TENT5C: variants seen among roughly 807,000 people sequenced by gnomAD.
The protein encoded by TENT5C is terminal nucleotidyltransferase 5C.
TENT5C carries 5 observed loss-of-function variants against 22.2 expected under a neutral mutation model. That is an observed-to-expected ratio of 0.22 (90% confidence interval 0.12 to 0.47). The LOEUF (loss-of-function observed/expected upper bound fraction) is 0.47. TENT5C is among the 20% of genes least tolerant of loss of function. The probability of loss-of-function intolerance (pLI) is 0.99; values close to 1 mark genes in which losing one functional copy is unlikely to be tolerated. For missense variants in TENT5C, 364 were observed against 500.9 expected (o/e 0.73, Z 2.61); for synonymous variants, 199 against 195.4 (o/e 1.02, Z -0.15).
In TENT5C at chr1:117,627,862, G is replaced by A; in HGVS notation, c.*3818G>A. The A allele has an allele frequency of 4.0e-6, 1 of 247,854 alleles. No homozygotes were observed. Among genetic ancestry groups the A allele is most frequent in the Non-Finnish European group, 8.5e-6 (1 of 118,060 alleles). The allele number at this position is 247,854 out of a possible 1,614,324, so 15.4% of individuals were successfully genotyped here. ...TAAAAGACTGTGTGTGTGTGTGTGT[G>A]TGCGTGTGTGTGTTCAAGTGCCTAA... On this transcript the variant is annotated 3_prime_UTR_variant, in exon 2 of 2. Transcript: ENST00000369448.
intron 1 of TENT5C, among the ~76,000 whole-genome samples, chr1:117,619,508 G>C (rs1653851690): frequency 1.3e-5 from 2 of 151,790 alleles, no homozygotes; most frequent in Admixed American, 6.6e-5. Flanking sequence ...TCCTACTTTT[G>C]CCTTCTGACT....
At chr1:117,606,959 A>G (rs78361141) in intron 1 of TENT5C, among the ~76,000 whole-genome samples, 3,691 of 152,200 alleles carry the variant, frequency 0.024, 137 homozygotes, top group African/African-American at 0.084. Context: ...GTAGGTGAAA[A>G]GCCACGGCAA....
intron 1 of TENT5C, among the ~76,000 whole-genome samples, chr1:117,618,611 A>G (rs887483621): frequency 1.3e-5 from 2 of 152,154 alleles, no homozygotes; most frequent in Admixed American, 1.3e-4. Context: ...GGTGGGAAGG[A>G]AAAAGGGGAT....
At chr1:117,616,278 A>G (rs963579392) in intron 1 of TENT5C, among the ~76,000 whole-genome samples, 6 of 152,134 alleles carry the variant, frequency 3.9e-5, no homozygotes, top group Admixed American at 6.5e-5. Context: ...ATTTGCTTTG[A>G]CACACACCTC....
chr1:117,620,633 G>A (rs1349047792), intron 1 of TENT5C, among the ~76,000 whole-genome samples: 1 of 152,164 alleles, frequency 6.6e-6, no homozygotes, highest in Admixed American at 6.5e-5. Flanking sequence ...GAACTGGGCC[G>A]CACAGCAGGA....
At chr1:117,613,420 G>A (rs962900634) in intron 1 of TENT5C, among the ~76,000 whole-genome samples, 1 of 152,196 alleles carries the variant, frequency 6.6e-6, no homozygotes, top group African/African-American at 2.4e-5. Context: ...CACAGCATTA[G>A]TTCTTCCAGC....
intron 1 of TENT5C, among the ~76,000 whole-genome samples, chr1:117,609,262 A>G (rs1653612466): frequency 6.6e-6 from 1 of 152,252 alleles, no homozygotes; most frequent in Non-Finnish European, 1.5e-5. Context: ...AATAGTTTAG[A>G]GGAAGCATCT....
intron 1 of TENT5C, among the ~76,000 whole-genome samples, chr1:117,610,193 G>C (rs1235398457): frequency 6.6e-6 from 1 of 152,084 alleles, no homozygotes; most frequent in Non-Finnish European, 1.5e-5. Flanking sequence ...CAGTAAGTGA[G>C]TCCGCCTCCC....
chr1:117,624,844 T>C lies in TENT5C; in HGVS notation c.*800T>C, dbSNP rs1218616760. On this transcript the variant is annotated 3_prime_UTR_variant, in exon 2 of 2. Transcript: ENST00000369448. ...AGGGGATAATTGTAAATAGGAAACA[T>C]GAATGTTCATTTTTTTCTTTAAAGA... The C allele has an allele frequency of 4.0e-6, 1 of 247,674 alleles. No homozygotes were observed. Among genetic ancestry groups the C allele is most frequent in the Middle Eastern group, 1.2e-3 (1 of 808 alleles). The allele number at this position is 247,674 out of a possible 1,614,324, so 15.3% of individuals were successfully genotyped here.
chr1:117,626,975 C>T lies in TENT5C; in HGVS notation c.*2931C>T. On this transcript the variant is annotated 3_prime_UTR_variant, in exon 2 of 2. Coordinates refer to ENST00000369448, the MANE Select transcript of TENT5C (RefSeq NM_017709.4). Reference sequence around the variant, plus strand: ...ATGCCTGACCTTGAGCTCTAGTCTCCCCTTTAAATCTTACCTTGGCAGTAA... The same window carrying T: ...ATGCCTGACCTTGAGCTCTAGTCTCTCCTTTAAATCTTACCTTGGCAGTAA... 1 of 248,052 alleles carries T rather than the reference C, an allele frequency of 4.0e-6. No homozygotes were observed. The allele number at this position is 248,052 out of a possible 1,614,324, so 15.4% of individuals were successfully genotyped here.
At chr1:117,611,397 G>A (rs1653668989) in intron 1 of TENT5C, among the ~76,000 whole-genome samples, 1 of 152,190 alleles carries the variant, frequency 6.6e-6, no homozygotes, top group South Asian at 2.1e-4. Flanking sequence ...TTAGCTGTGG[G>A]GAGACCTGGG....
rs574232859 is a variant in TENT5C at position 117,613,680 on chromosome 1, G to A, written c.-28+7527G>A. 5.9e-5 allele frequency among the ~76,000 whole-genome samples: 9 copies of A among 152,284 alleles called. No individual in the cohort carries two copies. The East Asian group carries it at 1.4e-3, about 23-fold the overall frequency. ...GGGCTGCTTTCCACAGCTCATGTGGGAATCTAACCACATTTTTTGACTCTA... is the reference window on the plus strand; with the variant it reads ...GGGCTGCTTTCCACAGCTCATGTGGAAATCTAACCACATTTTTTGACTCTA... On this transcript the variant is annotated intron_variant, in intron 1 of 1. Transcript: ENST00000369448.
chr1:117,609,387 GA>G (rs72527981), intron 1 of TENT5C, among the ~76,000 whole-genome samples: 3,211 of 152,038 alleles, frequency 0.021, 122 homozygotes, highest in African/African-American at 0.073. Context: ...TGGAACAACA[GA>G]AAAAAAATAT....
intron 1 of TENT5C, among the ~76,000 whole-genome samples, chr1:117,616,723 A>G (rs2101076321): frequency 6.6e-6 from 1 of 152,360 alleles, no homozygotes; most frequent in South Asian, 2.1e-4. Flanking sequence ...CCCCAAAGGA[A>G]GGCTGAAATG....
At chr1:117,621,668 G>T (rs1416932162) in intron 1 of TENT5C, among the ~76,000 whole-genome samples, 2 of 152,112 alleles carry the variant, frequency 1.3e-5, no homozygotes, top group African/African-American at 4.8e-5. Context: ...TTTTATGTGG[G>T]TCTAGCAAGT....
Position 117,622,511 on chromosome 1 carries a change from C to T in TENT5C, c.-27-331C>T, listed in dbSNP as rs186580687. Among the ~76,000 whole-genome samples the T allele has an allele frequency of 2.3e-4, 35 of 152,272 alleles. No individual in the cohort carries two copies. The East Asian group carries it at 4.6e-3, about 20-fold the overall frequency. On this transcript the variant is annotated intron_variant, in intron 1 of 1. Coordinates refer to ENST00000369448, the MANE Select transcript of TENT5C (RefSeq NM_017709.4). ...GCTGGAGGAGTAACTAATTCTACTGCGGTCCTATATGGTTTGCTCACATTC... is the reference window on the plus strand; with the variant it reads ...GCTGGAGGAGTAACTAATTCTACTGTGGTCCTATATGGTTTGCTCACATTC...
chr1:117,607,202 T>A (rs1250524840), intron 1 of TENT5C, among the ~76,000 whole-genome samples: 1 of 152,278 alleles, frequency 6.6e-6, no homozygotes, highest in East Asian at 1.9e-4. Context: ...GAGAAATGAA[T>A]GCCTGGCGAG....
chr1:117,620,115 A>G (rs1164882411), intron 1 of TENT5C, among the ~76,000 whole-genome samples: 1 of 152,222 alleles, frequency 6.6e-6, no homozygotes, highest in Non-Finnish European at 1.5e-5. Context: ...AAAAAGGCTC[A>G]TAGCTTCCAG....
At chr1:117,621,463 T>C (rs1294048837) in intron 1 of TENT5C, among the ~76,000 whole-genome samples, 3 of 152,116 alleles carry the variant, frequency 2.0e-5, no homozygotes, top group African/African-American at 7.2e-5. Context: ...TTCACCTTCT[T>C]CTTGATGGGA....
Sources: allele counts gnomAD v4.1 joint callset (sites outside exome capture counted in the v4.1 genomes callset), GRCh38; gene constraint gnomAD v4.1.1; transcripts MANE v1.5; gene names NCBI Gene and HGNC (gene_info 2026-07-23, HGNC 2026-07-21).